CNTNAP2: variants seen among roughly 807,000 people sequenced by gnomAD.
The protein encoded by CNTNAP2 is contactin-associated protein-like 2.
CNTNAP2 carries 98 observed loss-of-function variants against 155.2 expected under a neutral mutation model. The ratio of observed to expected loss-of-function variants is 0.63; its 90% CI spans 0.54 to 0.75. The LOEUF (loss-of-function observed/expected upper bound fraction) is 0.75. Ranked by LOEUF, CNTNAP2 falls within the 30% of genes least tolerant of loss-of-function variation. The pLI is 0.00. For synonymous variants in CNTNAP2, 651 were observed against 631.2 expected (o/e 1.03, Z -0.47); for missense variants, 1,727 against 1,688.1 (o/e 1.02, Z -0.40).
At chr7:146,351,436 G>A (rs1794913507) in intron 1 of CNTNAP2, among the ~76,000 whole-genome samples, 2 of 152,032 alleles carry the variant, frequency 1.3e-5, no homozygotes, top group African/African-American at 2.4e-5. Context: ...CAATTTGTAA[G>A]AATTTCAAAA....
chr7:146,819,987 C>A (rs1255452781), intron 2 of CNTNAP2, among the ~76,000 whole-genome samples: 1 of 152,152 alleles, frequency 6.6e-6, no homozygotes, highest in African/African-American at 2.4e-5. Flanking sequence ...ACAACTTATT[C>A]TTGATGTAGC....
At chr7:147,214,111 T>C (rs1310462915) in intron 8 of CNTNAP2, among the ~76,000 whole-genome samples, 1 of 152,132 alleles carries the variant, frequency 6.6e-6, no homozygotes, top group Non-Finnish European at 1.5e-5. Flanking sequence ...CTTAATCCAG[T>C]CAAGTCAACA....
At chr7:146,923,972 C>T (rs545798271) in intron 3 of CNTNAP2, among the ~76,000 whole-genome samples, 1 of 152,226 alleles carries the variant, frequency 6.6e-6, no homozygotes, top group African/African-American at 2.4e-5. Flanking sequence ...TCCTGATGCA[C>T]TCAAACATTT....
rs574623303 is a variant in CNTNAP2, at chr7:148,063,790, A to G, written c.2384-54328A>G. 3.9e-5 allele frequency among the ~76,000 whole-genome samples: 6 copies of G among 152,120 alleles called. No homozygotes were observed. In the East Asian group the frequency reaches 1.2e-3, roughly 29 times the overall value. ...TGCATTTGCTTTTGGGTTCTTGGTC[A>G]TGAAGTCTTTGCCTAAGCCAATGTC... is the stretch of plus-strand genomic sequence containing the variant. On this transcript the variant is annotated intron_variant, in intron 15 of 23. Coordinates refer to ENST00000361727, the MANE Select transcript of CNTNAP2 (RefSeq NM_014141.6).
chr7:147,812,263 C>G (rs1227350350), intron 13 of CNTNAP2, among the ~76,000 whole-genome samples: 2 of 152,096 alleles, frequency 1.3e-5, no homozygotes. Context: ...AACTTTGTAA[C>G]TTAGTCTTTC....
chr7:147,558,655 T>C (rs1799995235), intron 11 of CNTNAP2, among the ~76,000 whole-genome samples: 1 of 152,216 alleles, frequency 6.6e-6, no homozygotes, highest in Admixed American at 6.5e-5. Context: ...CAATAATTGT[T>C]ATACTTTGAA....
In CNTNAP2 at chr7:147,161,166, A is replaced by G. The variant is rs890239253; in HGVS notation, c.1348+28657A>G. ...CTTGGTAAGTGATGTTGATGATAATATTAGAGATACAAAGTATAGAAAAAG... is the reference window on the plus strand; with the variant it reads ...CTTGGTAAGTGATGTTGATGATAATGTTAGAGATACAAAGTATAGAAAAAG... On this transcript the variant is annotated intron_variant, in intron 8 of 23. Coordinates refer to ENST00000361727, the MANE Select transcript of CNTNAP2 (RefSeq NM_014141.6). 4.6e-5 allele frequency among the ~76,000 whole-genome samples: 7 copies of G among 152,148 alleles called. 1 individual carries two copies. Among genetic ancestry groups the G allele is most frequent in the African/African-American group, 1.7e-4 (7 of 41,448 alleles).
chr7:146,769,847 CTG>C (rs1802261930), intron 1 of CNTNAP2, among the ~76,000 whole-genome samples: 1 of 152,244 alleles, frequency 6.6e-6, no homozygotes, highest in Admixed American at 6.5e-5. Context: ...TGATGTGTAA[CTG>C]TGCTCCAATA....
chr7:146,333,192 G>A (rs918271743), intron 1 of CNTNAP2, among the ~76,000 whole-genome samples: 3 of 151,786 alleles, frequency 2.0e-5, no homozygotes, highest in Non-Finnish European at 4.4e-5. Context: ...TAATCCACCC[G>A]CCTCGGCCTC....
chr7:146,660,077 G>C (rs1382910187), intron 1 of CNTNAP2, among the ~76,000 whole-genome samples: 1 of 152,190 alleles, frequency 6.6e-6, no homozygotes, highest in East Asian at 1.9e-4. Flanking sequence ...TGGTAATTTA[G>C]GGTAATAAAG....
chr7:147,626,893 C>T (rs1794988568), intron 12 of CNTNAP2, among the ~76,000 whole-genome samples: 1 of 152,202 alleles, frequency 6.6e-6, no homozygotes, highest in Non-Finnish European at 1.5e-5. Flanking sequence ...ATATCTACAA[C>T]CATGGACTCT....
At chr7:148,335,416 C>A (rs1459001921) in intron 21 of CNTNAP2, among the ~76,000 whole-genome samples, 1 of 152,110 alleles carries the variant, frequency 6.6e-6, no homozygotes, top group Non-Finnish European at 1.5e-5. Context: ...CAATCACTGC[C>A]CACACCTCCA....
intron 21 of CNTNAP2, among the ~76,000 whole-genome samples, chr7:148,268,617 T>C (rs1223521237): frequency 6.6e-6 from 1 of 151,486 alleles, no homozygotes; most frequent in Non-Finnish European, 1.5e-5. Context: ...ATCACGCCAC[T>C]GCACCCCAGC....
intron 8 of CNTNAP2, among the ~76,000 whole-genome samples, chr7:147,213,342 T>C (rs1388478193): frequency 6.6e-6 from 1 of 152,174 alleles, no homozygotes; most frequent in Admixed American, 6.6e-5. Flanking sequence ...CTCAGTTTGC[T>C]GATTCAAATA....
At chr7:147,153,484 C>T (rs934671863) in intron 8 of CNTNAP2, among the ~76,000 whole-genome samples, 20 of 152,028 alleles carry the variant, frequency 1.3e-4, no homozygotes, top group African/African-American at 4.6e-4. Context: ...GTGATAAACC[C>T]ATTTCAAACA....
intron 13 of CNTNAP2, among the ~76,000 whole-genome samples, chr7:147,858,232 G>A (rs974618061): frequency 3.3e-5 from 5 of 152,156 alleles, no homozygotes; most frequent in South Asian, 4.2e-4. Context: ...GATGACAGGC[G>A]CCTGCCACCA....
chr7:146,149,511 G>A (rs138994040), intron 1 of CNTNAP2, among the ~76,000 whole-genome samples: 5 of 152,062 alleles, frequency 3.3e-5, no homozygotes, highest in African/African-American at 4.8e-5. Context: ...ACAGTGTTAG[G>A]CTTACTTTTA....
chr7:148,415,302 G>A, intron 23 of CNTNAP2, 115 bp from the exon 24 acceptor site: 3 of 1,052,010 alleles, frequency 2.9e-6, no homozygotes, highest in Non-Finnish European at 4.3e-6. Flanking sequence ...TGTTTTGGAG[G>A]TTGTGTTTTA....
chr7:146,647,969 A>G (rs900798170), intron 1 of CNTNAP2, among the ~76,000 whole-genome samples: 2 of 152,020 alleles, frequency 1.3e-5, no homozygotes, highest in East Asian at 1.9e-4. Context: ...TCAGCTCCCA[A>G]CCTTTCCAAC....
Sources: allele counts gnomAD v4.1 joint callset (sites outside exome capture counted in the v4.1 genomes callset), GRCh38; gene constraint gnomAD v4.1.1; transcripts MANE v1.5; gene names NCBI Gene and HGNC (gene_info 2026-07-23, HGNC 2026-07-21).